The following ATRNL1 variants were observed in gnomAD, a reference collection of about 807,000 sequenced individuals.
The protein encoded by ATRNL1 is attractin like 1.
Under a neutral mutation model 182.7 loss-of-function variants are expected in ATRNL1, and 95 were observed. The observed-to-expected ratio is 0.52, with a 90% CI of 0.44 to 0.62. The LOEUF is 0.62. Ranked by LOEUF, ATRNL1 falls within the 20% of genes least tolerant of loss-of-function variation. ATRNL1 has a pLI of 0.00. For synonymous variants in ATRNL1, 576 were observed against 568.3 expected, an observed-to-expected ratio of 1.01 and a Z score of -0.19; for missense variants, 1,471 against 1,679.5, an observed-to-expected ratio of 0.88 and a Z score of 2.17.
intron 26 of ATRNL1, among the ~76,000 whole-genome samples, chr10:115,719,846 A>AC (rs1330899049): frequency 8.6e-5 from 11 of 127,388 alleles, no homozygotes; most frequent in East Asian, 2.4e-4. Flanking sequence ...AATTCTATCC[A>AC]CCCCCCCACA....
chr10:115,693,341 G>GC (rs1946452286), intron 26 of ATRNL1, among the ~76,000 whole-genome samples: 2 of 152,036 alleles, frequency 1.3e-5, no homozygotes, highest in Non-Finnish European at 2.9e-5. Context: ...TTTCATGTAC[G>GC]CAAATATTGG....
intron 28 of ATRNL1, among the ~76,000 whole-genome samples, chr10:115,891,473 G>C (rs782550477): frequency 6.6e-6 from 1 of 152,182 alleles, no homozygotes; most frequent in Admixed American, 6.5e-5. Flanking sequence ...CATTTCATGT[G>C]AACAGTATAG....
intron 28 of ATRNL1, among the ~76,000 whole-genome samples, chr10:115,942,716 A>G (rs1953766560): frequency 6.6e-6 from 1 of 152,244 alleles, no homozygotes; most frequent in South Asian, 2.1e-4. Context: ...CTCAATTCAA[A>G]GTCAAGTCTT....
At chr10:115,325,599 A>G (rs1047475088) in intron 18 of ATRNL1, among the ~76,000 whole-genome samples, 3 of 152,132 alleles carry the variant, frequency 2.0e-5, no homozygotes, top group African/African-American at 4.8e-5. Flanking sequence ...TCCTTGATTT[A>G]TACTTTCCAC....
chr10:115,895,368 G>C (rs1952180775), intron 28 of ATRNL1, among the ~76,000 whole-genome samples: 1 of 152,202 alleles, frequency 6.6e-6, no homozygotes, highest in Non-Finnish European at 1.5e-5. Context: ...CTTTTCAGCT[G>C]CCGCAAGGTT....
chr10:115,868,301 C>G (rs1180980333), intron 28 of ATRNL1, among the ~76,000 whole-genome samples: 2 of 152,084 alleles, frequency 1.3e-5, no homozygotes, highest in African/African-American at 4.8e-5. Flanking sequence ...TATTCCCTAG[C>G]CCATTGTAAT....
chr10:115,893,782 A>G (rs1455535691), intron 28 of ATRNL1, among the ~76,000 whole-genome samples: 3 of 152,182 alleles, frequency 2.0e-5, no homozygotes, highest in Non-Finnish European at 4.4e-5. Flanking sequence ...GACTACTTCC[A>G]TAGGACCCCC....
At chr10:115,395,004 G>T (rs1401782859) in intron 20 of ATRNL1, among the ~76,000 whole-genome samples, 1 of 151,808 alleles carries the variant, frequency 6.6e-6, no homozygotes, top group Non-Finnish European at 1.5e-5. Context: ...TAATTTTAAA[G>T]TACTTTTTCC....
At chr10:115,164,664 G>A (rs1846956067) in intron 6 of ATRNL1, among the ~76,000 whole-genome samples, 1 of 152,090 alleles carries the variant, frequency 6.6e-6, no homozygotes, top group African/African-American at 2.4e-5. Context: ...ATGAAATCAT[G>A]TCATTTGCAG....
intron 27 of ATRNL1, among the ~76,000 whole-genome samples, chr10:115,830,704 A>G (rs1283795767): frequency 1.3e-5 from 2 of 152,186 alleles, no homozygotes; most frequent in African/African-American, 4.8e-5. Flanking sequence ...TGGAACCACA[A>G]GCATTTGGCA....
intron 8 of ATRNL1, among the ~76,000 whole-genome samples, chr10:115,174,910 A>C (rs369940232): frequency 1.3e-5 from 2 of 151,956 alleles, no homozygotes; most frequent in East Asian, 3.9e-4. Flanking sequence ...AAGTAGCCTG[A>C]TATCTAGTAA....
chr10:115,365,620 C>G (rs1335882767), intron 19 of ATRNL1, among the ~76,000 whole-genome samples: 1 of 151,678 alleles, frequency 6.6e-6, no homozygotes, highest in Non-Finnish European at 1.5e-5. Flanking sequence ...GTTAGGGTGT[C>G]AATTTTGGAT....
At chr10:115,610,841 C>T (rs1342490057) in intron 26 of ATRNL1, among the ~76,000 whole-genome samples, 1 of 152,096 alleles carries the variant, frequency 6.6e-6, no homozygotes, top group Non-Finnish European at 1.5e-5. Flanking sequence ...TAAATATCAT[C>T]AACTTGAGTT....
chr10:115,899,539 CT>C (rs1349889220), intron 28 of ATRNL1, among the ~76,000 whole-genome samples: 1 of 152,130 alleles, frequency 6.6e-6, no homozygotes, highest in Non-Finnish European at 1.5e-5. Context: ...AACTCCCAAC[CT>C]CAGGTGATCT....
At chr10:115,562,796 C>A (rs1555000187) in intron 26 of ATRNL1, among the ~76,000 whole-genome samples, 1 of 152,142 alleles carries the variant, frequency 6.6e-6, no homozygotes, top group African/African-American at 2.4e-5. Context: ...ACCTGTGAGT[C>A]AATTAAGCCG....
rs188581983 is a variant in ATRNL1, at chr10:115,720,660, A to G, written c.3796-6588A>G. On this transcript the variant is annotated intron_variant, in intron 26 of 28. Transcript: ENST00000355044. Reference sequence around the variant, plus strand: ...TAAGAAACAAGATCATTCAGTATAGAGTATAGGTGGCATTGCATATACACC... The same window carrying G: ...TAAGAAACAAGATCATTCAGTATAGGGTATAGGTGGCATTGCATATACACC... Among the ~76,000 whole-genome samples the G allele has an allele frequency of 3.9e-4, 59 of 152,330 alleles. 2 individuals carry two copies. The highest frequency in any genetic ancestry group is 1.7e-3 in the South Asian group (8 of 4,822).
intron 20 of ATRNL1, among the ~76,000 whole-genome samples, chr10:115,412,900 ATAGT>A (rs565971803): frequency 6.6e-6 from 1 of 152,200 alleles, no homozygotes; most frequent in Non-Finnish European, 1.5e-5. Context: ...TATGTTGAAA[ATAGT>A]TAGATCCTCC....
intron 1 of ATRNL1, 146 bp downstream of exon 1, chr10:115,094,189 C>T (rs2084953081): frequency 4.5e-6 from 4 of 884,914 alleles, no homozygotes; most frequent in East Asian, 6.8e-5. Context: ...CGGGAGCGGG[C>T]GAGAGTGGGG....
rs140780404 is a variant in ATRNL1, at chr10:115,541,125, C to G, written c.3717-8333C>G. ...AGACACCATTAGCATTATGACGAGT[C>G]AAGTCACACAGTAGTACGAAATATT... On this transcript the variant is annotated intron_variant, in intron 25 of 28. Transcript: ENST00000355044. Among the ~76,000 whole-genome samples, 391 of 152,252 alleles carry G rather than the reference C, an allele frequency of 2.6e-3. 1 individual carries two copies. The highest frequency in any genetic ancestry group is 8.8e-3 in the African/African-American group (366 of 41,558).
Sources: gnomAD v4.1 joint callset for allele counts (sites outside exome capture counted in the v4.1 genomes callset) on GRCh38, gnomAD v4.1.1 for gene constraint, MANE v1.5 for transcripts, NCBI Gene and HGNC (gene_info 2026-07-23, HGNC 2026-07-21) for gene names.